Variants in ASPM observed in about 807,000 individuals in gnomAD.
ASPM encodes the protein assembly factor for spindle microtubules.
ASPM carries 256 observed loss-of-function variants against 366.4 expected under a neutral mutation model. That is an observed-to-expected ratio of 0.70 (90% CI 0.63 to 0.77). The LOEUF is 0.77. ASPM is among the 30% of genes least tolerant of loss of function. The pLI, the probability that ASPM is intolerant of heterozygous loss-of-function variation, is 0.00. For missense variants in ASPM, 4,146 were observed against 4,090.4 expected (o/e 1.01, Z -0.37); for synonymous variants, 1,414 against 1,342.9 (o/e 1.05, Z -1.16).
rs1014378905 is a variant in ASPM at position 197,104,321 on chromosome 1, T to C, written c.4930A>G (p.Arg1644Gly). Reference protein sequence around the residue: ...SAVIVLQSAYRGMQARKMYIH... With the variant: ...SAVIVLQSAYGGMQARKMYIH... The stretch of plus-strand genomic sequence containing the variant: ...TACATTTTCCTGGCTTGCATCCCTC[T>C]ATATGCAGACTGCAGCACAATGACA... Residue 1644 changes from arginine (R) to glycine (G), a missense_variant, in exon 18 of 28, where the codon AGA becomes GGA. Transcript: ENST00000367409. The C allele has an allele frequency of 2.5e-6, 4 of 1,613,014 alleles. No homozygotes were observed. Among genetic ancestry groups the C allele is most frequent in the Non-Finnish European group, 3.4e-6 (4 of 1,179,462 alleles).
chr1:197,101,049 GTTTT>G lies in ASPM; in HGVS notation c.8198_8201del (p.Lys2733ThrfsTer3). 6.2e-7 allele frequency: 1 copy of G among 1,611,472 alleles called. No homozygotes were observed. The highest frequency in any genetic ancestry group is 8.5e-7 in the Non-Finnish European group (1 of 1,178,822). On this transcript the variant is annotated frameshift_variant, in exon 18 of 28. Transcript: ENST00000367409. LOFTEE classifies it high-confidence loss of function. Reference sequence around the variant, plus strand: ...GTACAGATTTCTGAACTGCTAAAAAGTTTTTTCTTTCTGTTTTTACTCTAACATA... The same window carrying G: ...GTACAGATTTCTGAACTGCTAAAAAGTTCTTTCTGTTTTTACTCTAACATA...
Position 197,103,434 on chromosome 1 carries a change from C to A in ASPM, c.5817G>T (p.Lys1939Asn). The A allele has an allele frequency of 6.2e-7, 1 of 1,613,354 alleles. No homozygotes were observed. Among genetic ancestry groups the A allele is most frequent in the Non-Finnish European group, 8.5e-7 (1 of 1,179,560 alleles). ...GGAGTTCAATATACTCCATACATTG[C>A]TTCCTTCCTGCAGTCCATGCTCTGA... is the stretch of plus-strand genomic sequence containing the variant. ...QNFRAWTAGR[K>N]QCMEYIELRH... Residue 1939 changes from lysine to asparagine, a missense_variant, in exon 18 of 28, where the codon AAG (lysine) becomes AAT (asparagine). Lys to Asn is a moderately conservative substitution (Grantham distance 94). Around this residue, in one of 3 missense-constraint regions of ASPM, gnomAD observed 3,624 missense variants for 3,591.7 expected, o/e 1.01. Transcript: ENST00000367409.
intron 27 of ASPM, among the ~76,000 whole-genome samples, chr1:197,085,349 C>G (rs972310863): frequency 9.9e-5 from 15 of 152,176 alleles, no homozygotes; most frequent in Admixed American, 9.8e-4. Context: ...TCAAACTTCC[C>G]CTCCATACCC....
In ASPM at chr1:197,105,076, C is replaced by T. The variant is rs765050426; in HGVS notation, c.4175G>A (p.Arg1392Gln). Residue 1392 changes from arginine to glutamine, a missense_variant, in exon 18 of 28, where the codon CGA becomes CAA. Arg to Gln is a conservative substitution (Grantham distance 43). This residue lies in a region of ASPM where 3,624 missense variants were observed against 3,591.7 expected (regional missense o/e 1.01). Transcript: ENST00000367409. Reference sequence around the variant, plus strand: ...AATTGTAACTGTAGCCCAAAGATATCGTTTATAAGATGTAACAGCAATTAT... The same window carrying T: ...AATTGTAACTGTAGCCCAAAGATATTGTTTATAAGATGTAACAGCAATTAT... ...RMIIAVTSYK[R>Q]YLWATVTIQR... 5.0e-6 allele frequency: 8 copies of T among 1,609,346 alleles called. No homozygotes were observed. The highest frequency in any genetic ancestry group is 2.2e-5 in the South Asian group (2 of 90,710).
In ASPM at chr1:197,090,383, T is replaced by C. The variant is rs775614202; in HGVS notation, c.9642A>G (p.Leu3214=). The C allele has an allele frequency of 1.2e-6, 2 of 1,605,274 alleles. No individual in the cohort carries two copies. The highest frequency in any genetic ancestry group is 2.7e-5 in the African/African-American group (2 of 74,668). Residue 3214 remains leucine, a synonymous_variant, in exon 24 of 28, where the codon TTA becomes TTG. Coordinates refer to ENST00000367409, the MANE Select transcript of ASPM (RefSeq NM_018136.5). ...FTSGIIKIQA[L]WRGYSWRKKN... ...TCTTCCTCCAAGAATAGCCTCTCCA[T>C]AATGCCTTAAAGAGATAAAACAGAG...
At chr1:197,124,393 C>G (rs1658019561) in intron 12 of ASPM, 62 bp from the exon 13 acceptor site, 4 of 1,202,698 alleles carry the variant, frequency 3.3e-6, no homozygotes, top group Non-Finnish European at 4.8e-6. Flanking sequence ...TTTTAACCCA[C>G]AGAAATCAAA....
At position 197,093,118 on chromosome 1, in the gene ASPM, A is replaced by G. The variant is rs778189395; in HGVS notation, c.9228T>C (p.Tyr3076=). 4 of 1,612,334 alleles carry G rather than the reference A, an allele frequency of 2.5e-6. No homozygotes were observed. The highest frequency in any genetic ancestry group is 1.7e-5 in the Admixed American group (1 of 59,832). Residue 3076 remains tyrosine, a synonymous_variant, in exon 21 of 28, where the codon TAT becomes TAC. Coordinates refer to ENST00000367409, the MANE Select transcript of ASPM (RefSeq NM_018136.5). ...TAACTGTAGATTTTTTAAATTCAAT[A>G]TATTTTATCCTTTCATGCTTTCCAG... The part of the protein sequence containing the change: ...REAGKHERIK[Y]IEFKKSTVIL...
chr1:197,135,024 A>C, intron 5 of ASPM, 72 bp downstream of exon 5: 1 of 1,190,096 alleles, frequency 8.4e-7, no homozygotes, highest in Non-Finnish European at 1.2e-6. Flanking sequence ...ATAATTAAAG[A>C]ATGACAAACG....
At chr1:197,086,519 A>G (rs1656592763) in intron 27 of ASPM, among the ~76,000 whole-genome samples, 1 of 152,186 alleles carries the variant, frequency 6.6e-6, no homozygotes, top group East Asian at 1.9e-4. Flanking sequence ...TAAAATAAAT[A>G]AAATAAAATG....
Position 197,129,989 on chromosome 1 carries a change from A to G in ASPM, c.2555T>C (p.Leu852Pro). ...ATCAGGATTCCAAAGTAGGCGATTC[A>G]GAATAAACATAGCCAACCCTGTGAC... ...SDVTGLAMFILNRLLWNPDIA... is the reference protein window; with the variant it reads ...SDVTGLAMFIPNRLLWNPDIA... Residue 852 changes from leucine (L) to proline (P), a missense_variant, in exon 8 of 28, where the codon CTG becomes CCG. Around this residue, in one of 3 missense-constraint regions of ASPM, gnomAD observed 3,624 missense variants for 3,591.7 expected, o/e 1.01. Coordinates refer to ENST00000367409, the MANE Select transcript of ASPM (RefSeq NM_018136.5). 6.2e-7 allele frequency: 1 copy of G among 1,614,034 alleles called. No homozygotes were observed.
In ASPM at chr1:197,101,085, A is replaced by G. The variant is rs78315399; in HGVS notation, c.8166T>C (p.Tyr2722=). The G allele has an allele frequency of 5.2e-4, 845 of 1,611,864 alleles. 8 individuals are homozygous for G. The East Asian group carries it at 0.018, about 34-fold the overall frequency. ...CTGTTTTTACTCTAACATACAACCT[A>G]TAATAATTCTGTATAACCACAATTG... ...KTAIVVIQNY[Y]RLYVRVKTER... Residue 2722 remains tyrosine (Y), a synonymous_variant, in exon 18 of 28, where the codon TAT becomes TAC. Coordinates refer to ENST00000367409, the MANE Select transcript of ASPM (RefSeq NM_018136.5).
At chr1:197,139,242 C>G in intron 4 of ASPM, 2 of 921,678 alleles carry the variant, frequency 2.2e-6, no homozygotes, top group Non-Finnish European at 3.6e-6. Context: ...GTGACGGCCT[C>G]TGACCATCCT....
At chr1:197,117,234 A>G (rs930477456) in intron 17 of ASPM, among the ~76,000 whole-genome samples, 16 of 152,046 alleles carry the variant, frequency 1.1e-4, no homozygotes, top group Non-Finnish European at 2.1e-4. Context: ...AATAATGCAC[A>G]TCTCTCATGT....
rs143171621 is a variant in ASPM at position 197,132,962 on chromosome 1, G to C, written c.2419+388C>G. Reference sequence around the variant, plus strand: ...GAAGCACAGAGAATGGTGGTTGCCAGAGAATGGGGTAGAGGGACTGGGGCG... The same window carrying C: ...GAAGCACAGAGAATGGTGGTTGCCACAGAATGGGGTAGAGGGACTGGGGCG... On this transcript the variant is annotated intron_variant, in intron 6 of 27. Coordinates refer to ENST00000367409, the MANE Select transcript of ASPM (RefSeq NM_018136.5). Among the ~76,000 whole-genome samples the C allele has an allele frequency of 1.3e-5, 2 of 152,072 alleles. 1 individual carries two copies. The highest frequency in any genetic ancestry group is 2.9e-5 in the Non-Finnish European group (2 of 68,008).
chr1:197,095,137 T>C (rs1394090947), intron 19 of ASPM, among the ~76,000 whole-genome samples: 1 of 151,750 alleles, frequency 6.6e-6, no homozygotes, highest in Non-Finnish European at 1.5e-5. Flanking sequence ...AAATATACAA[T>C]AAATTATTGT....
chr1:197,105,980 TC>T (rs1440159717), intron 17 of ASPM, among the ~76,000 whole-genome samples: 1 of 151,944 alleles, frequency 6.6e-6, no homozygotes, highest in African/African-American at 2.4e-5. Flanking sequence ...GTACAAACAC[TC>T]CAAACATTGC....
chr1:197,146,381 C>T lies in ASPM; in HGVS notation c.57G>A (p.Arg19=), dbSNP rs755504049. 2.0e-5 allele frequency: 32 copies of T among 1,609,758 alleles called. No homozygotes were observed. In the Admixed American group the frequency reaches 5.2e-4, roughly 26 times the overall value. The change falls in exon 1 of 28, where the codon AGG becomes AGA. Residue 19 remains arginine, a synonymous_variant. Coordinates refer to ENST00000367409, the MANE Select transcript of ASPM (RefSeq NM_018136.5). Reference sequence around the variant, plus strand: ...CGGGGCCCCGCAGCCCCGCGGGCGGCCTCCGCTCGGTCGGGCTCACTTCCC... The same window carrying T: ...CGGGGCCCCGCAGCCCCGCGGGCGGTCTCCGCTCGGTCGGGCTCACTTCCC... ...GCWEVSPTER[R]PPAGLRGPAA... is the part of the protein sequence containing the mutation.
intron 1 of ASPM, among the ~76,000 whole-genome samples, chr1:197,145,126 A>T (rs1362945885): frequency 6.6e-6 from 1 of 152,086 alleles, no homozygotes; most frequent in Non-Finnish European, 1.5e-5. Context: ...AAGTTAAGGG[A>T]CCTCAGATTA....
In ASPM at chr1:197,092,939, A is replaced by T. The variant is rs1165030130; in HGVS notation, c.9294+113T>A. ...TCTAGCAGCTGAATTAATTCAAGTT[A>T]ATGGTCATATTAGTTCTGAAATTAT... On this transcript the variant is annotated intron_variant, in intron 21 of 27. Transcript: ENST00000367409. 10 of 922,490 alleles carry T rather than the reference A, an allele frequency of 1.1e-5. No homozygotes were observed. In the Admixed American group the frequency reaches 2.0e-4, roughly 18 times the overall value. The allele number at this position is 922,490 out of a possible 1,614,324, so 57.1% of individuals were successfully genotyped here.
Sources: gnomAD v4.1 joint callset for allele counts (sites outside exome capture counted in the v4.1 genomes callset) on GRCh38, gnomAD v4.1.1 for gene constraint, gnomAD v4.1.1 regional missense constraint, MANE v1.5 for transcripts, NCBI Gene and HGNC (gene_info 2026-07-23, HGNC 2026-07-21) for gene names.